Variants in TXNRD2 observed in about 807,000 individuals in gnomAD.
The protein encoded by TXNRD2 is thioredoxin reductase 2, mitochondrial.
Under a neutral mutation model 70.8 loss-of-function variants are expected in TXNRD2, and 67 were observed. The observed-to-expected ratio is 0.95, with a 90% CI of 0.78 to 1.16. The LOEUF is 1.16. TXNRD2 is among the 50% of genes most tolerant of loss of function. The pLI, the probability that TXNRD2 is intolerant of heterozygous loss-of-function variation, is 0.00. For missense variants in TXNRD2, 644 were observed against 719.9 expected (o/e 0.89, Z 1.21); for synonymous variants, 301 against 295.8 (o/e 1.02, Z -0.18).
chr22:19,903,079 A>G, intron 8 of TXNRD2: 2 of 517,120 alleles, frequency 3.9e-6, no homozygotes, highest in Admixed American at 1.9e-5. Context: ...AGGCTGGTGG[A>G]GCAGCCTCAG....
intron 2 of TXNRD2, among the ~76,000 whole-genome samples, chr22:19,926,914 G>A (rs1941167857): frequency 6.6e-6 from 1 of 152,214 alleles, no homozygotes; most frequent in Non-Finnish European, 1.5e-5. Flanking sequence ...TGGGTACAGG[G>A]TATTTTGGGG....
At chr22:19,895,697 C>T (rs536159630) in intron 10 of TXNRD2, 116 bp from the exon 11 acceptor site, 23 of 1,163,300 alleles carry the variant, frequency 2.0e-5, no homozygotes, top group Middle Eastern at 2.4e-4. Context: ...GTGCGGAAGA[C>T]GGGGTGAGAC....
At chr22:19,889,585 G>A (rs1487756617) in intron 11 of TXNRD2, among the ~76,000 whole-genome samples, 1 of 152,000 alleles carries the variant, frequency 6.6e-6, no homozygotes, top group South Asian at 2.1e-4. Context: ...ACTCCAACCT[G>A]GGCAACAGAG....
chr22:19,903,452 A>C (rs1205502443), intron 8 of TXNRD2, among the ~76,000 whole-genome samples: 1 of 152,152 alleles, frequency 6.6e-6, no homozygotes, highest in Non-Finnish European at 1.5e-5. Flanking sequence ...AGGGCACCTG[A>C]GCTCCAAAAC....
At chr22:19,911,885 G>A (rs1940428475) in intron 7 of TXNRD2, among the ~76,000 whole-genome samples, 1 of 152,198 alleles carries the variant, frequency 6.6e-6, no homozygotes. Flanking sequence ...TCCAAACTCA[G>A]AGAGAGGAAG....
chr22:19,903,136 T>C, intron 8 of TXNRD2: 2 of 464,006 alleles, frequency 4.3e-6, no homozygotes, highest in East Asian at 6.0e-5. Context: ...CAGGGCCCAG[T>C]GTGTGGGCTG....
intron 14 of TXNRD2, among the ~76,000 whole-genome samples, chr22:19,879,178 C>T (rs914664236): frequency 2.0e-5 from 3 of 152,212 alleles, no homozygotes; most frequent in African/African-American, 4.8e-5. Flanking sequence ...TAAAGTGCCT[C>T]GGGGAAGGCT....
rs1222844331 is a variant in TXNRD2 at position 19,880,379 on chromosome 22, C to T, written c.1183-108G>A. ...ATCACAGACCAGGACCAGATGCGCC[C>T]AGAGCAGGCTGCAAGCACAGTAGGC... On this transcript the variant is annotated intron_variant, in intron 13 of 17. Coordinates refer to ENST00000400521, the MANE Select transcript of TXNRD2 (RefSeq NM_006440.5). 6.6e-6 allele frequency: 8 copies of T among 1,217,512 alleles called. 1 individual carries two copies. The highest frequency in any genetic ancestry group is 3.8e-5 in the South Asian group (3 of 78,512). 75.4% of individuals were successfully genotyped at this position (1,217,512 alleles called of 1,614,324 possible). A position where few individuals can be genotyped will look rare whatever the true frequency, so the allele number is the denominator to read the frequency against.
chr22:19,940,310 G>A (rs1036521626), intron 1 of TXNRD2, among the ~76,000 whole-genome samples: 37 of 149,262 alleles, frequency 2.5e-4, no homozygotes, highest in Admixed American at 2.7e-4. Context: ...GACTGGGCAC[G>A]AAAGGGCTAT....
chr22:19,900,909 G>A (rs960572955), intron 8 of TXNRD2, among the ~76,000 whole-genome samples: 2 of 152,252 alleles, frequency 1.3e-5, no homozygotes, highest in Non-Finnish European at 2.9e-5. Context: ...GCATGGGCTA[G>A]ATGCTTCCTG....
intron 8 of TXNRD2, among the ~76,000 whole-genome samples, chr22:19,910,088 G>T (rs924436412): frequency 6.6e-6 from 1 of 152,222 alleles, no homozygotes; most frequent in African/African-American, 2.4e-5. Flanking sequence ...GAAGGCTCGA[G>T]ACTGCTATTG....
intron 2 of TXNRD2, among the ~76,000 whole-genome samples, chr22:19,927,651 C>CAAAAAAAAAAAAAAAAAAAAAAAAA (rs149665821): frequency 2.9e-5 from 2 of 68,410 alleles, no homozygotes; most frequent in South Asian, 5.6e-4. Flanking sequence ...GACCTTGTCT[C>CAAAAAAAAAAAAAAAAAAAAAAAAA]AAAAAAAAAA....
chr22:19,928,550 T>G (rs1941239741), intron 2 of TXNRD2, among the ~76,000 whole-genome samples: 1 of 152,214 alleles, frequency 6.6e-6, no homozygotes, highest in Non-Finnish European at 1.5e-5. Context: ...CATGCCTGGT[T>G]GCCTAGGATG....
intron 1 of TXNRD2, chr22:19,933,477 C>A: frequency 7.8e-7 from 1 of 1,289,710 alleles, no homozygotes; most frequent in South Asian, 1.2e-5. Context: ...ATAGCAGGGC[C>A]CTTGTTAGGT....
chr22:19,926,024 G>A (rs1264162265), intron 2 of TXNRD2, among the ~76,000 whole-genome samples: 3 of 151,792 alleles, frequency 2.0e-5, no homozygotes, highest in South Asian at 2.1e-4. Context: ...TTAGCCAGGC[G>A]TGGTGGTGCA....
intron 8 of TXNRD2, 105 bp from the exon 9 acceptor site, chr22:19,899,173 C>A: frequency 1.4e-6 from 2 of 1,456,180 alleles, no homozygotes; most frequent in Non-Finnish European, 1.9e-6. Context: ...TTGGTCAGCT[C>A]GTGGGCTCCA....
In TXNRD2 at chr22:19,914,787, C is replaced by G. The variant is rs144270178; in HGVS notation, c.591+427G>C. The G allele has an allele frequency of 4.1e-3, 1,144 of 278,808 alleles. 19 individuals are homozygous for G. The highest frequency in any genetic ancestry group is 0.024 in the African/African-American group (1,092 of 45,500). The allele number at this position is 278,808 out of a possible 1,614,324, so 17.3% of individuals were successfully genotyped here. A position where few individuals can be genotyped will look rare whatever the true frequency, so the allele number is the denominator to read the frequency against. On this transcript the variant is annotated intron_variant, in intron 7 of 17. Coordinates refer to ENST00000400521, the MANE Select transcript of TXNRD2 (RefSeq NM_006440.5). ...CCACTGAATTGTACCCTAAAAAAGG[C>G]TAAATTTTATAGCGTGTGAATTTTA...
At chr22:19,921,202 C>T (rs996812896) in intron 2 of TXNRD2, among the ~76,000 whole-genome samples, 7 of 151,534 alleles carry the variant, frequency 4.6e-5, no homozygotes, top group Non-Finnish European at 1.0e-4. Context: ...ATTGCTTGAG[C>T]CCAGGAGTTT....
chr22:19,895,037 T>C, intron 11 of TXNRD2: 5 of 1,561,380 alleles, frequency 3.2e-6, no homozygotes, highest in South Asian at 2.3e-5. Flanking sequence ...GTAGGATTTA[T>C]GTGCTGAAAC....
Sources: gnomAD v4.1 joint callset for allele counts (sites outside exome capture counted in the v4.1 genomes callset) on GRCh38, gnomAD v4.1.1 for gene constraint, MANE v1.5 for transcripts, NCBI Gene and HGNC (gene_info 2026-07-23, HGNC 2026-07-21) for gene names.